Variants in PPP1R12A observed in about 807,000 individuals in gnomAD.
PPP1R12A encodes the protein myosin binding subunit.
A neutral mutation model predicts 139.6 loss-of-function variants in PPP1R12A; 19 were observed. The ratio of observed to expected loss-of-function variants is 0.14; its 90% CI spans 0.09 to 0.20. The LOEUF is 0.20. Among genes scored for constraint, PPP1R12A ranks in the 10% least tolerant of loss-of-function variants. PPP1R12A has a pLI of 1.00. For missense variants in PPP1R12A, 925 were observed against 1,211.5 expected (o/e 0.76, Z 3.51); for synonymous variants, 427 against 420.6 (o/e 1.02, Z -0.19).
At chr12:79,857,207 A>G (rs1880769273) in intron 2 of PPP1R12A, among the ~76,000 whole-genome samples, 1 of 152,172 alleles carries the variant, frequency 6.6e-6, no homozygotes, top group Admixed American at 6.5e-5. Flanking sequence ...GATAGACTGG[A>G]TTAAGAAAAT....
intron 14 of PPP1R12A, among the ~76,000 whole-genome samples, chr12:79,804,645 T>TAA (rs576712469): frequency 6.9e-6 from 1 of 145,232 alleles, no homozygotes; most frequent in African/African-American, 2.5e-5. Context: ...AGTATTTTAG[T>TAA]AAAAAAAAAA....
intron 1 of PPP1R12A, among the ~76,000 whole-genome samples, chr12:79,903,825 T>A (rs1592802737): frequency 6.6e-6 from 1 of 152,152 alleles, no homozygotes; most frequent in South Asian, 2.1e-4. Context: ...AATAAATAAA[T>A]GTAAAACCAC....
intron 3 of PPP1R12A, among the ~76,000 whole-genome samples, chr12:79,844,825 G>C (rs1879194137): frequency 6.6e-6 from 1 of 152,074 alleles, no homozygotes; most frequent in African/African-American, 2.4e-5. Context: ...TCTGCCTCTA[G>C]CTGCTTCTCT....
chr12:79,900,380 A>G lies in PPP1R12A; in HGVS notation c.238-27442T>C, dbSNP rs546745524. On this transcript the variant is annotated intron_variant, in intron 1 of 24. Transcript: ENST00000450142. ...AGCTCCATGTAAACTCCACCAGTGCAGGGATTTTTGTCTGCTTTGTGAATT... is the reference window on the plus strand; with the variant it reads ...AGCTCCATGTAAACTCCACCAGTGCGGGGATTTTTGTCTGCTTTGTGAATT... Among the ~76,000 whole-genome samples the G allele has an allele frequency of 9.8e-5, 15 of 152,332 alleles. 1 individual carries two copies. In the South Asian group the frequency reaches 3.1e-3, roughly 32 times the overall value.
At chr12:79,874,082 C>G (rs1301634938) in intron 1 of PPP1R12A, among the ~76,000 whole-genome samples, 1 of 152,068 alleles carries the variant, frequency 6.6e-6, no homozygotes, top group Non-Finnish European at 1.5e-5. Flanking sequence ...TCGAGACCAT[C>G]CTGGCCAACA....
At chr12:79,780,849 G>T (rs912147655) in intron 23 of PPP1R12A, 1 of 151,798 alleles carries the variant, frequency 6.6e-6, no homozygotes, top group Non-Finnish European at 1.5e-5. Flanking sequence ...ATAATAAAAT[G>T]GTAGCTATTG....
At chr12:79,845,468 A>C in intron 2 of PPP1R12A, 48 bp from the exon 3 acceptor site, 1 of 1,292,482 alleles carries the variant, frequency 7.7e-7, no homozygotes, top group South Asian at 1.3e-5. Flanking sequence ...TTATCATTGA[A>C]ATAAAACTAA....
intron 22 of PPP1R12A, among the ~76,000 whole-genome samples, chr12:79,786,010 C>T (rs575728913): frequency 1.6e-4 from 25 of 152,172 alleles, no homozygotes; most frequent in Admixed American, 7.9e-4. Context: ...TTTACTTGAA[C>T]AAACATAAAA....
chr12:79,819,556 G>C (rs1244587208), intron 8 of PPP1R12A: 1 of 152,182 alleles, frequency 6.6e-6, no homozygotes, highest in Admixed American at 6.5e-5. Flanking sequence ...TGGCTCTCTT[G>C]TGCACATAGT....
In PPP1R12A at chr12:79,797,415, A is replaced by C; in HGVS notation, c.2092-20T>G. 1 of 1,552,760 alleles carries C rather than the reference A, an allele frequency of 6.4e-7. No homozygotes were observed. The highest frequency in any genetic ancestry group is 8.7e-7 in the Non-Finnish European group (1 of 1,152,914). On this transcript the variant is annotated intron_variant, in intron 15 of 24. Coordinates refer to ENST00000450142, the MANE Select transcript of PPP1R12A (RefSeq NM_002480.3). The stretch of plus-strand genomic sequence containing the variant: ...CACTCCCTGCACACACAAAAAGATC[A>C]ATATAATTATGAGATGCATTAAAGC...
At chr12:79,880,916 T>G (rs1194412383) in intron 1 of PPP1R12A, among the ~76,000 whole-genome samples, 1 of 152,182 alleles carries the variant, frequency 6.6e-6, no homozygotes, top group African/African-American at 2.4e-5. Flanking sequence ...TATTTTAAAT[T>G]TTTTCATTAT....
intron 14 of PPP1R12A, 38 bp from the exon 15 acceptor site, chr12:79,798,622 C>G (rs912764459): frequency 8.4e-7 from 1 of 1,187,366 alleles, no homozygotes; most frequent in African/African-American, 1.5e-5. Context: ...GTTGTAAATA[C>G]AATACCTGTG....
At position 79,841,952 on chromosome 12, in the gene PPP1R12A, T is replaced by C. The variant is rs550571997; in HGVS notation, c.487+3350A>G. 1.3e-5 allele frequency among the ~76,000 whole-genome samples: 2 copies of C among 152,342 alleles called. 1 individual carries two copies. Among genetic ancestry groups the C allele is most frequent in the African/African-American group, 4.8e-5 (2 of 41,572 alleles). On this transcript the variant is annotated intron_variant, in intron 3 of 24. Transcript: ENST00000450142. ...AGGCTCTAGTTATATTTAATCACTT[T>C]TTATAACACCTCAATTCTATTTTAG...
intron 9 of PPP1R12A, among the ~76,000 whole-genome samples, chr12:79,814,863 C>T (rs548937543): frequency 2.1e-5 from 3 of 144,572 alleles, no homozygotes; most frequent in East Asian, 2.0e-4. Flanking sequence ...TACACATGAT[C>T]GTTTTGAATA....
At chr12:79,806,713 G>C (rs1282790945) in intron 12 of PPP1R12A, 1 of 176,380 alleles carries the variant, frequency 5.7e-6, no homozygotes, top group Non-Finnish European at 1.2e-5. Context: ...TTCAGCAATG[G>C]GTCAGATACC....
intron 5 of PPP1R12A, among the ~76,000 whole-genome samples, chr12:79,824,742 A>C (rs1160265814): frequency 6.6e-6 from 1 of 152,192 alleles, no homozygotes; most frequent in Non-Finnish European, 1.5e-5. Flanking sequence ...TCATTGATAG[A>C]GTATAAACAC....
chr12:79,849,395 G>GA (rs5799444), intron 2 of PPP1R12A, among the ~76,000 whole-genome samples: 6 of 150,278 alleles, frequency 4.0e-5, no homozygotes, highest in African/African-American at 9.9e-5. Flanking sequence ...TCAAAGGGGG[G>GA]AAAAAAAAAA....
chr12:79,795,911 G>A (rs1025306453), intron 17 of PPP1R12A, among the ~76,000 whole-genome samples, 152 bp from the exon 18 acceptor site: 1 of 151,966 alleles, frequency 6.6e-6, no homozygotes, highest in African/African-American at 2.4e-5. Flanking sequence ...GCCAATTGTT[G>A]GTATGTGAGA....
At chr12:79,848,314 G>A (rs776607669) in intron 2 of PPP1R12A, among the ~76,000 whole-genome samples, 1 of 152,128 alleles carries the variant, frequency 6.6e-6, no homozygotes. Context: ...GCTGTGCTAT[G>A]CTCTGAGAGA....
Sources: gnomAD v4.1 joint callset for allele counts (sites outside exome capture counted in the v4.1 genomes callset) on GRCh38, gnomAD v4.1.1 for gene constraint, MANE v1.5 for transcripts, NCBI Gene and HGNC (gene_info 2026-07-23, HGNC 2026-07-21) for gene names.